PCBP3: variants seen among roughly 807,000 people sequenced by gnomAD.
PCBP3 encodes poly(rC) binding protein 3.
Under a neutral mutation model 52.7 loss-of-function variants are expected in PCBP3, and 25 were observed. The observed-to-expected ratio is 0.47, with a 90% confidence interval of 0.35 to 0.66. The LOEUF (loss-of-function observed/expected upper bound fraction) is 0.66, where lower values mean the gene tolerates loss of function less well. PCBP3 is among the 30% of genes least tolerant of loss of function. The probability of loss-of-function intolerance (pLI) is 0.01; values close to 1 mark genes in which losing one functional copy is unlikely to be tolerated. For missense variants in PCBP3, 391 were observed against 490.3 expected (o/e 0.80, Z 1.91); for synonymous variants, 162 against 183.0 (o/e 0.89, Z 0.93).
Position 45,742,112 on chromosome 21 carries a change from T to C in PCBP3, c.-162+6683T>C, listed in dbSNP as rs2146067473. Reference sequence around the variant, plus strand: ...ATTGGATTATTCCCTTTTTGTTTATTTTTTCTGATTTTCCACTAATATCCA... The same window carrying C: ...ATTGGATTATTCCCTTTTTGTTTATCTTTTCTGATTTTCCACTAATATCCA... On this transcript the variant is annotated intron_variant, in intron 3 of 17. Coordinates refer to ENST00000681687, the MANE Select transcript of PCBP3 (RefSeq NM_001384156.1). Among the ~76,000 whole-genome samples, 5 of 152,338 alleles carry C rather than the reference T, an allele frequency of 3.3e-5. 1 individual carries two copies. In the Middle Eastern group the frequency reaches 0.014, roughly 415 times the overall value.
At chr21:45,916,264 G>GC (rs1417230398) in intron 12 of PCBP3, 3 of 152,330 alleles carry the variant, frequency 2.0e-5, no homozygotes, top group African/African-American at 7.2e-5. Flanking sequence ...GAGTTCCAGG[G>GC]CCCCTCACCT....
chr21:45,784,952 T>TG (rs1394388693), intron 4 of PCBP3, among the ~76,000 whole-genome samples: 1 of 148,908 alleles, frequency 6.7e-6, no homozygotes, highest in Non-Finnish European at 1.5e-5. Context: ...CCCCTCTGCC[T>TG]GGCTGCCCAG....
At chr21:45,890,925 C>T (rs553440455) in intron 5 of PCBP3, among the ~76,000 whole-genome samples, 2 of 146,484 alleles carry the variant, frequency 1.4e-5, no homozygotes, top group East Asian at 4.0e-4. Context: ...GAACCTGGAA[C>T]TCTGTGCACT....
intron 16 of PCBP3, 121 bp from the exon 17 acceptor site, chr21:45,939,909 G>A (rs1054675201): frequency 6.0e-5 from 52 of 869,502 alleles, no homozygotes; most frequent in Non-Finnish European, 7.8e-5. Context: ...TTGAGCTCAG[G>A]TCTTGGGGCA....
intron 4 of PCBP3, among the ~76,000 whole-genome samples, chr21:45,781,545 A>G (rs547195698): frequency 6.6e-6 from 1 of 152,186 alleles, no homozygotes; most frequent in Non-Finnish European, 1.5e-5. Context: ...GGGAATGGGA[A>G]ATGGTACAGT....
intron 4 of PCBP3, among the ~76,000 whole-genome samples, chr21:45,786,594 A>C (rs2091181921): frequency 6.6e-6 from 1 of 152,142 alleles, no homozygotes; most frequent in Non-Finnish European, 1.5e-5. Context: ...CCTGGTCTTA[A>C]GTATCATTTT....
At chr21:45,714,508 A>G (rs141431721) in intron 2 of PCBP3, among the ~76,000 whole-genome samples, 2 of 152,348 alleles carry the variant, frequency 1.3e-5, no homozygotes, top group East Asian at 3.9e-4. Flanking sequence ...CATAGACTTA[A>G]AGGAAAAACT....
intron 2 of PCBP3, among the ~76,000 whole-genome samples, chr21:45,696,355 G>A (rs772081065): frequency 1.3e-5 from 2 of 152,008 alleles, no homozygotes; most frequent in Non-Finnish European, 2.9e-5. Context: ...TTAAAAATAA[G>A]AACTTTTGTT....
chr21:45,796,525 A>AT (rs943646978), intron 4 of PCBP3, among the ~76,000 whole-genome samples: 12 of 151,538 alleles, frequency 7.9e-5, no homozygotes, highest in African/African-American at 2.9e-4. Context: ...TAAAGTTTCC[A>AT]TTTTTTGTCT....
intron 5 of PCBP3, among the ~76,000 whole-genome samples, chr21:45,861,421 C>T (rs895445537): frequency 1.3e-5 from 2 of 152,210 alleles, no homozygotes; most frequent in African/African-American, 2.4e-5. Context: ...GCTGGGGCAA[C>T]AGCCTGGGCC....
At chr21:45,839,832 G>A (rs1030231844) in intron 4 of PCBP3, among the ~76,000 whole-genome samples, 11 of 151,822 alleles carry the variant, frequency 7.2e-5, no homozygotes, top group Admixed American at 1.3e-4. Context: ...GATTGCAGGC[G>A]CCCGCCACCA....
chr21:45,678,844 G>A (rs1232352106), intron 2 of PCBP3, among the ~76,000 whole-genome samples: 1 of 151,908 alleles, frequency 6.6e-6, no homozygotes, highest in Admixed American at 6.6e-5. Flanking sequence ...TTTGAAAGAA[G>A]TTATACCATG....
At chr21:45,712,439 A>G (rs939770389) in intron 2 of PCBP3, among the ~76,000 whole-genome samples, 1 of 152,200 alleles carries the variant, frequency 6.6e-6, no homozygotes, top group Non-Finnish European at 1.5e-5. Context: ...GATATTAATA[A>G]TTCTAACAGG....
chr21:45,807,363 C>T (rs1002559508), intron 4 of PCBP3, among the ~76,000 whole-genome samples: 2 of 152,146 alleles, frequency 1.3e-5, no homozygotes, highest in African/African-American at 2.4e-5. Flanking sequence ...AATCAAAGTG[C>T]AAAAATCACA....
intron 4 of PCBP3, among the ~76,000 whole-genome samples, chr21:45,787,516 C>G (rs938743722): frequency 2.0e-5 from 3 of 152,208 alleles, no homozygotes; most frequent in East Asian, 1.9e-4. Context: ...CCTGGCCCCC[C>G]ACAGTGCTGG....
rs546975994 is a variant in PCBP3 at position 45,662,810 on chromosome 21, C to T, written c.-278-6064C>T. Among the ~76,000 whole-genome samples, 415 of 152,194 alleles carry T rather than the reference C, an allele frequency of 2.7e-3. 4 individuals carry two copies. Among genetic ancestry groups the T allele is most frequent in the African/African-American group, 9.1e-3 (379 of 41,542 alleles). On this transcript the variant is annotated intron_variant, in intron 1 of 17. Transcript: ENST00000681687. ...GCCATTAGAGGGCTCCTTGGTCTAG[C>T]GGTAATGCCAGTGTCTGTTGCCAAG...
chr21:45,935,736 AACAGACTTGAAGCTGGTTGGATGTC>A lies in PCBP3; in HGVS notation c.909+441_909+465del, dbSNP rs570586433. ...TTGGGATTCTCCATGAGTTGGCTCC[AACAGACTTGAAGCTGGTTGGATGTC>A]ACAGACTTGTCTAGATTCCTTCTAG... On this transcript the variant is annotated intron_variant, in intron 16 of 17. Transcript: ENST00000681687. 7.5e-3 allele frequency among the ~76,000 whole-genome samples: 1,149 copies of A among 152,340 alleles called. 7 individuals are homozygous for A. Among genetic ancestry groups the A allele is most frequent in the Non-Finnish European group, 0.013 (867 of 68,028 alleles).
At chr21:45,713,018 C>T (rs1439653179) in intron 2 of PCBP3, among the ~76,000 whole-genome samples, 1 of 152,004 alleles carries the variant, frequency 6.6e-6, no homozygotes, top group East Asian at 1.9e-4. Context: ...AGCCACCTTA[C>T]CTGGCCGAGG....
In PCBP3 at chr21:45,788,060, G is replaced by T. The variant is rs1428936029; in HGVS notation, c.-126+32608G>T. Among the ~76,000 whole-genome samples the T allele has an allele frequency of 6.6e-6, 1 of 152,186 alleles. No individual in the cohort carries two copies. Among genetic ancestry groups the T allele is most frequent in the East Asian group, 1.9e-4 (1 of 5,192 alleles). ...CACCAGTTGTCAGGAGTTGACAGGA[G>T]GGCATAGCCAGGAACAGCTGGTGTC... On this transcript the variant is annotated intron_variant, in intron 4 of 17. Transcript: ENST00000681687. The surrounding 1 kb of genome is among the most constrained non-coding windows in gnomAD (Gnocchi z 4.3).
Sources: allele counts gnomAD v4.1 joint callset (sites outside exome capture counted in the v4.1 genomes callset), GRCh38; gene constraint gnomAD v4.1.1; non-coding constraint Gnocchi (gnomAD v3.1); transcripts MANE v1.5; gene names NCBI Gene and HGNC (gene_info 2026-07-23, HGNC 2026-07-21).